The following PRKCB variants were observed in gnomAD, a reference collection of about 807,000 sequenced individuals.
PRKCB encodes the protein protein kinase C beta type.
Under a neutral mutation model 81.5 loss-of-function variants are expected in PRKCB, and 13 were observed. The ratio of observed to expected loss-of-function variants is 0.16; its 90% confidence interval spans 0.10 to 0.25. The LOEUF (loss-of-function observed/expected upper bound fraction) is 0.25, where lower values mean the gene tolerates loss of function less well. Ranked by LOEUF, PRKCB falls within the 10% of genes least tolerant of loss-of-function variation. PRKCB has a pLI of 1.00. For missense variants in PRKCB, 509 were observed against 875.7 expected, an observed-to-expected ratio of 0.58 and a Z score of 5.29; for synonymous variants, 335 against 321.4, an observed-to-expected ratio of 1.04 and a Z score of -0.45.
chr16:23,960,458 CT>C (rs539421935), intron 2 of PRKCB, among the ~76,000 whole-genome samples: 47 of 149,522 alleles, frequency 3.1e-4, no homozygotes, highest in Middle Eastern at 3.5e-3. Context: ...ATGTCTGTGT[CT>C]TTTTTTTTTC....
intron 5 of PRKCB, among the ~76,000 whole-genome samples, chr16:24,087,315 G>A (rs1294988388): frequency 6.6e-6 from 1 of 152,064 alleles, no homozygotes; most frequent in Non-Finnish European, 1.5e-5. Context: ...GCTTCATCTT[G>A]CTTTTTTCAA....
chr16:24,092,614 CATCTT>C (rs1352599778), intron 5 of PRKCB, among the ~76,000 whole-genome samples, 172 bp from the exon 6 acceptor site: 1 of 152,172 alleles, frequency 6.6e-6, no homozygotes, highest in African/African-American at 2.4e-5. Context: ...CCAGAGTTGA[CATCTT>C]ATCAGCCCAT....
At chr16:24,110,000 T>G (rs1446357287) in intron 7 of PRKCB, among the ~76,000 whole-genome samples, 1 of 131,384 alleles carries the variant, frequency 7.6e-6, no homozygotes, top group Non-Finnish European at 1.6e-5. Context: ...GCAGGCTGAG[T>G]CAGGAGAGTC....
intron 2 of PRKCB, among the ~76,000 whole-genome samples, chr16:23,840,166 T>C (rs903464920): frequency 6.6e-6 from 1 of 152,242 alleles, no homozygotes; most frequent in Non-Finnish European, 1.5e-5. Flanking sequence ...CTGGAACCAC[T>C]GAGGAGTTCC....
intron 2 of PRKCB, among the ~76,000 whole-genome samples, chr16:23,867,292 T>G (rs965226405): frequency 2.0e-5 from 3 of 152,076 alleles, no homozygotes; most frequent in African/African-American, 7.2e-5. Flanking sequence ...CTGATTTTTT[T>G]TGTATTTTTA....
intron 2 of PRKCB, among the ~76,000 whole-genome samples, chr16:23,853,477 C>A (rs7191663): frequency 0.081 from 12,266 of 152,250 alleles, 1,644 homozygotes; most frequent in African/African-American, 0.28. Flanking sequence ...AAGAGGCAAC[C>A]AACGGAAGGG....
intron 2 of PRKCB, among the ~76,000 whole-genome samples, chr16:23,888,107 C>G (rs1166397904): frequency 6.6e-6 from 1 of 152,174 alleles, no homozygotes; most frequent in African/African-American, 2.4e-5. Flanking sequence ...TTTGTTTTCC[C>G]AGCTTGGTTC....
chr16:23,965,093 G>A (rs918865544), intron 2 of PRKCB, among the ~76,000 whole-genome samples: 4 of 152,142 alleles, frequency 2.6e-5, no homozygotes, highest in Admixed American at 2.0e-4. Flanking sequence ...GTGTACTAAT[G>A]ATTTCATCAC....
chr16:23,933,729 C>T (rs1333490674), intron 2 of PRKCB, among the ~76,000 whole-genome samples: 9 of 146,116 alleles, frequency 6.2e-5, no homozygotes, highest in African/African-American at 2.3e-4. Flanking sequence ...ATCCATCTAT[C>T]CATCCATCCA....
chr16:24,197,613 TA>T (rs1967898621), intron 16 of PRKCB, among the ~76,000 whole-genome samples: 1 of 152,178 alleles, frequency 6.6e-6, no homozygotes, highest in Non-Finnish European at 1.5e-5. Flanking sequence ...TTTGGGTTTT[TA>T]AAGGATCCCT....
intron 16 of PRKCB, among the ~76,000 whole-genome samples, chr16:24,197,654 A>AGGG (rs1026623913): frequency 5.3e-5 from 8 of 152,300 alleles, no homozygotes; most frequent in Middle Eastern, 6.8e-3. Flanking sequence ...GGGTGAAATC[A>AGGG]GGGAGACTGG....
intron 2 of PRKCB, among the ~76,000 whole-genome samples, chr16:23,854,029 A>G (rs926452803): frequency 6.9e-6 from 1 of 143,952 alleles, no homozygotes; most frequent in Non-Finnish European, 1.5e-5. Flanking sequence ...CCTTTATAAA[A>G]CCATCAGATC....
chr16:24,078,000 T>C (rs1227023407), intron 5 of PRKCB, among the ~76,000 whole-genome samples: 3 of 152,194 alleles, frequency 2.0e-5, no homozygotes, highest in East Asian at 1.9e-4. Context: ...TGTCCCAAGC[T>C]TCTGAAAATT....
chr16:23,933,551 A>C (rs1446948617), intron 2 of PRKCB, among the ~76,000 whole-genome samples: 3 of 152,296 alleles, frequency 2.0e-5, no homozygotes, highest in Admixed American at 2.0e-4. Context: ...TCAGAAAATT[A>C]ACATTTTCTA....
chr16:24,176,617 G>A (rs1373240962), intron 12 of PRKCB, among the ~76,000 whole-genome samples: 2 of 152,164 alleles, frequency 1.3e-5, no homozygotes, highest in Non-Finnish European at 2.9e-5. Flanking sequence ...ATGAGGCTGG[G>A]CGCAGTGGCT....
At chr16:24,212,711 C>G (rs1968163470) in intron 16 of PRKCB, among the ~76,000 whole-genome samples, 1 of 152,044 alleles carries the variant, frequency 6.6e-6, no homozygotes, top group Non-Finnish European at 1.5e-5. Context: ...AGGTGATCTG[C>G]CCACCTCGGC....
At chr16:24,161,285 T>C (rs1292951313) in intron 10 of PRKCB, among the ~76,000 whole-genome samples, 1 of 152,174 alleles carries the variant, frequency 6.6e-6, no homozygotes, top group Non-Finnish European at 1.5e-5. Context: ...AATAAAAATA[T>C]CTTTCAAACA....
chr16:24,091,918 T>C (rs1171202150), intron 5 of PRKCB, among the ~76,000 whole-genome samples: 1 of 152,192 alleles, frequency 6.6e-6, no homozygotes, highest in Admixed American at 6.5e-5. Flanking sequence ...GCTGTCTGGG[T>C]GCTGGTTATG....
chr16:23,956,858 GA>G (rs202151200), intron 2 of PRKCB, among the ~76,000 whole-genome samples: 358 of 151,152 alleles, frequency 2.4e-3, no homozygotes, highest in African/African-American at 8.2e-3. Context: ...GGATCAGTAG[GA>G]AAAAAAATGG....
Sources: allele counts gnomAD v4.1 joint callset (sites outside exome capture counted in the v4.1 genomes callset), GRCh38; gene constraint gnomAD v4.1.1; transcripts MANE v1.5; gene names NCBI Gene and HGNC (gene_info 2026-07-23, HGNC 2026-07-21).